The following NFIA variants were observed in gnomAD, a reference collection of about 807,000 sequenced individuals.
NFIA encodes nuclear factor 1 A-type.
Under a neutral mutation model 62.8 loss-of-function variants are expected in NFIA, and 8 were observed. The observed-to-expected ratio is 0.13, with a 90% CI of 0.07 to 0.23. The LOEUF is 0.23. NFIA is among the 10% of genes least tolerant of loss of function. The probability of loss-of-function intolerance (pLI) is 1.00; values close to 1 mark genes in which losing one functional copy is unlikely to be tolerated. For synonymous variants in NFIA, 235 were observed against 238.1 expected (o/e 0.99, Z 0.12); for missense variants, 410 against 642.1 (o/e 0.64, Z 3.91).
intron 7 of NFIA, among the ~76,000 whole-genome samples, chr1:61,394,445 T>C (rs1474455034): frequency 6.6e-6 from 1 of 152,114 alleles, no homozygotes; most frequent in Non-Finnish European, 1.5e-5. Flanking sequence ...AGTGCTGGGA[T>C]TACAGGCGTG....
chr1:61,408,923 T>C (rs1005197109), intron 9 of NFIA, among the ~76,000 whole-genome samples: 1 of 152,238 alleles, frequency 6.6e-6, no homozygotes, highest in African/African-American at 2.4e-5. Flanking sequence ...TGGTAAAATA[T>C]ATCTGTAGGA....
chr1:61,153,188 A>C (rs554970053), intron 2 of NFIA, among the ~76,000 whole-genome samples: 1 of 152,232 alleles, frequency 6.6e-6, no homozygotes, highest in South Asian at 2.1e-4. Context: ...AAACACTTGA[A>C]TTGGAATGTC....
At chr1:61,110,984 AAT>A (rs1646685458) in intron 2 of NFIA, among the ~76,000 whole-genome samples, 2 of 152,280 alleles carry the variant, frequency 1.3e-5, no homozygotes, top group Non-Finnish European at 2.9e-5. Context: ...GAGTTTGATT[AAT>A]ATGAGCATCA....
chr1:61,264,006 A>G (rs1351660837), intron 2 of NFIA, among the ~76,000 whole-genome samples: 1 of 152,116 alleles, frequency 6.6e-6, no homozygotes, highest in African/African-American at 2.4e-5. Flanking sequence ...AAAAAAGTGT[A>G]AACTTTTATA....
At chr1:61,243,419 A>T (rs1655460390) in intron 2 of NFIA, among the ~76,000 whole-genome samples, 1 of 152,208 alleles carries the variant, frequency 6.6e-6, no homozygotes, top group Non-Finnish European at 1.5e-5. Flanking sequence ...GTTAGTGACA[A>T]GGAACTCAAA....
chr1:61,427,863 TTTCAG>T (rs1666937702), intron 10 of NFIA, among the ~76,000 whole-genome samples: 1 of 152,240 alleles, frequency 6.6e-6, no homozygotes, highest in Non-Finnish European at 1.5e-5. Flanking sequence ...CACAAAATTC[TTTCAG>T]TTATTTGCTT....
chr1:61,253,227 A>T (rs1656162722), intron 2 of NFIA, among the ~76,000 whole-genome samples: 1 of 152,184 alleles, frequency 6.6e-6, no homozygotes, highest in Admixed American at 6.5e-5. Context: ...TCCAGGCAGA[A>T]GGTTAGTGTC....
chr1:61,367,440 T>G (rs758613399), intron 6 of NFIA, among the ~76,000 whole-genome samples: 3 of 152,242 alleles, frequency 2.0e-5, no homozygotes, highest in Non-Finnish European at 4.4e-5. Flanking sequence ...GATCGATGTC[T>G]TGGCTTTTCT....
chr1:61,134,122 A>G (rs1647132611), intron 2 of NFIA, among the ~76,000 whole-genome samples: 1 of 152,024 alleles, frequency 6.6e-6, no homozygotes, highest in Non-Finnish European at 1.5e-5. Context: ...AACAAAAAAC[A>G]AAAAGAGGAA....
chr1:61,141,568 T>C (rs1448482982), intron 2 of NFIA, among the ~76,000 whole-genome samples: 1 of 152,194 alleles, frequency 6.6e-6, no homozygotes, highest in Admixed American at 6.5e-5. Context: ...TAGCACGAAG[T>C]GATGCCAAGA....
chr1:61,399,473 T>C (rs1267575196), intron 7 of NFIA, among the ~76,000 whole-genome samples: 1 of 152,202 alleles, frequency 6.6e-6, no homozygotes, highest in African/African-American at 2.4e-5. Flanking sequence ...CTCTGTCCAG[T>C]GTGTGAGAAT....
At chr1:61,184,124 CCA>C (rs1491540278) in intron 2 of NFIA, among the ~76,000 whole-genome samples, 4 of 86,540 alleles carry the variant, frequency 4.6e-5, no homozygotes, top group Non-Finnish European at 7.0e-5. Context: ...GGAAAAAAAA[CCA>C]AAAAAAAAAA....
At chr1:61,079,633 C>A (rs1383400956), upstream of NFIA, among the ~76,000 whole-genome samples, 1 of 152,272 alleles carries the variant, frequency 6.6e-6, no homozygotes, top group South Asian at 2.1e-4. Context: ...TCCTTCCTAA[C>A]AATGGGTCAT....
At chr1:61,353,116 G>C (rs978129622) in intron 5 of NFIA, among the ~76,000 whole-genome samples, 1 of 152,050 alleles carries the variant, frequency 6.6e-6, no homozygotes, top group Non-Finnish European at 1.5e-5. Context: ...CTCAGTGCCA[G>C]CTCTTTTCCC....
At chr1:61,256,550 A>G (rs1317237055) in intron 2 of NFIA, among the ~76,000 whole-genome samples, 1 of 151,850 alleles carries the variant, frequency 6.6e-6, no homozygotes, top group Non-Finnish European at 1.5e-5. Flanking sequence ...CGTGGGTTGG[A>G]CGAGCTTGGT....
intron 2 of NFIA, among the ~76,000 whole-genome samples, chr1:61,242,831 C>G (rs952627632): frequency 9.3e-5 from 14 of 151,340 alleles, no homozygotes; most frequent in African/African-American, 3.4e-4. Context: ...TTGTTTTTAT[C>G]TCAATTGGTA....
chr1:61,226,311 A>G (rs1654326514), intron 2 of NFIA, among the ~76,000 whole-genome samples: 1 of 152,218 alleles, frequency 6.6e-6, no homozygotes, highest in African/African-American at 2.4e-5. Context: ...ATGTATTTAC[A>G]TGATAGACCA....
At chr1:61,417,410 A>G (rs1423325946) in intron 9 of NFIA, among the ~76,000 whole-genome samples, 1 of 150,592 alleles carries the variant, frequency 6.6e-6, no homozygotes, top group African/African-American at 2.4e-5. Flanking sequence ...AATAATTTTT[A>G]CCTATATTCT....
At chr1:61,095,549 T>TA (rs1181199966) in intron 2 of NFIA, among the ~76,000 whole-genome samples, 1 of 152,152 alleles carries the variant, frequency 6.6e-6, no homozygotes, top group Non-Finnish European at 1.5e-5. Context: ...AAAGGGAAAG[T>TA]AAAAAGTCAA....
Sources: allele counts gnomAD v4.1 joint callset (sites outside exome capture counted in the v4.1 genomes callset), GRCh38; gene constraint gnomAD v4.1.1; transcripts MANE v1.5; gene names NCBI Gene and HGNC (gene_info 2026-07-23, HGNC 2026-07-21).